Variants in SLC39A6 observed in about 807,000 individuals in gnomAD.
The protein encoded by SLC39A6 is zinc transporter ZIP6.
Under a neutral mutation model 63.5 loss-of-function variants are expected in SLC39A6, and 51 were observed. That is an observed-to-expected ratio of 0.80 (90% confidence interval 0.64 to 1.01). SLC39A6 has a LOEUF of 1.01. SLC39A6 is among the 50% of genes least tolerant of loss of function. The probability of loss-of-function intolerance (pLI) is 0.00; values close to 1 mark genes in which losing one functional copy is unlikely to be tolerated. For synonymous variants in SLC39A6, 318 were observed against 324.7 expected, an observed-to-expected ratio of 0.98 and a Z score of 0.22; for missense variants, 805 against 927.8, an observed-to-expected ratio of 0.87 and a Z score of 1.72.
At chr18:36,123,323 T>A (rs552503062) in intron 4 of SLC39A6, among the ~76,000 whole-genome samples, 172 bp downstream of exon 4, 6 of 152,324 alleles carry the variant, frequency 3.9e-5, no homozygotes, top group African/African-American at 1.4e-4. Flanking sequence ...AATTCACAAA[T>A]GTATTAAGAT....
intron 5 of SLC39A6, 33 bp from the exon 6 acceptor site, chr18:36,116,812 C>G (rs368392991): frequency 6.8e-7 from 1 of 1,464,312 alleles, no homozygotes; most frequent in Non-Finnish European, 9.5e-7. Flanking sequence ...TACTTTAAAA[C>G]AGTAATTTGT....
rs141692207 is a variant in SLC39A6 at position 36,124,143 on chromosome 18, G to A, written c.970+377C>T. ...TTACTTTTGAGCAATGAGACCCTAC[G>A]CTATAGCAGAGCCTATCCTAGCTTC... On this transcript the variant is annotated intron_variant, in intron 3 of 9. Transcript: ENST00000269187. Among the ~76,000 whole-genome samples the A allele has an allele frequency of 2.3e-3, 352 of 152,110 alleles. 1 individual carries two copies. The highest frequency in any genetic ancestry group is 7.2e-3 in the African/African-American group (298 of 41,482).
In SLC39A6 at chr18:36,126,938, G is replaced by C; in HGVS notation, c.70C>G (p.Leu24Val). 1.2e-6 allele frequency: 2 copies of C among 1,614,166 alleles called. No individual in the cohort carries two copies. Among genetic ancestry groups the C allele is most frequent in the South Asian group, 1.1e-5 (1 of 91,082 alleles). ...ALSVTNPLHE[L>V]KAAAFPQTTE... is the part of the protein sequence containing the mutation. Reference sequence around the variant, plus strand: ...GTCTGGGGGAAAGCAGCTGCTTTTAGTTCATGAAGGGGATTTGTGACAGAG... The same window carrying C: ...GTCTGGGGGAAAGCAGCTGCTTTTACTTCATGAAGGGGATTTGTGACAGAG... Residue 24 changes from leucine (L) to valine (V), a missense_variant, in exon 2 of 10, where the codon CTA becomes GTA. By Grantham distance (32) the Leu-to-Val change is conservative (BLOSUM62 1). Around this residue, in one of 4 missense-constraint regions of SLC39A6, gnomAD observed 639 missense variants for 644.0 expected, o/e 0.99. Transcript: ENST00000269187.
chr18:36,124,689 T>G lies in SLC39A6; in HGVS notation c.801A>C (p.Ala267=). 2 of 1,546,812 alleles carry G rather than the reference T, an allele frequency of 1.3e-6. No homozygotes were observed. The highest frequency in any genetic ancestry group is 1.8e-6 in the Non-Finnish European group (2 of 1,129,396). The change falls in exon 3 of 10, where the codon GCA becomes GCC. Residue 267 remains alanine, a synonymous_variant. Coordinates refer to ENST00000269187, the MANE Select transcript of SLC39A6 (RefSeq NM_012319.4). ...TGCCATGAGATGTCAGTAGCTTTGATGCATTGAAACACTGAAAGAAACAAA... is the reference window on the plus strand; with the variant it reads ...TGCCATGAGATGTCAGTAGCTTTGAGGCATTGAAACACTGAAAGAAACAAA... ...TNENPQECFN[A]SKLLTSHGMG... is the part of the protein sequence containing the mutation.
At chr18:36,118,030 C>CAA (rs767015166) in intron 5 of SLC39A6, among the ~76,000 whole-genome samples, 1 of 90,760 alleles carries the variant, frequency 1.1e-5, no homozygotes, top group Non-Finnish European at 2.3e-5. Flanking sequence ...GACTCCATCT[C>CAA]AAAAAAAAAA....
Position 36,126,763 on chromosome 18 carries a change from A to C in SLC39A6, c.245T>G (p.Ile82Arg). ...GATTCTTTTAATCTTATCTATGCCT[A>C]TATTTTGAAGTAATTTTCTGAACCC... is the stretch of plus-strand genomic sequence containing the variant. ...VEGFRKLLQN[I>R]GIDKIKRIHI... is the part of the protein sequence containing the mutation. The change falls in exon 2 of 10, where the codon ATA (isoleucine) becomes AGA (arginine). Residue 82 changes from isoleucine (I) to arginine (R), a missense_variant. Ile to Arg is a moderately conservative substitution (Grantham distance 97). Around this residue, in one of 4 missense-constraint regions of SLC39A6, gnomAD observed 639 missense variants for 644.0 expected, o/e 0.99. Transcript: ENST00000269187. The C allele has an allele frequency of 6.2e-7, 1 of 1,614,192 alleles. No individual in the cohort carries two copies. Among genetic ancestry groups the C allele is most frequent in the Non-Finnish European group, 8.5e-7 (1 of 1,180,038 alleles).
rs182715301 is a variant in SLC39A6, at chr18:36,126,016, C to T, written c.789+203G>A. 5.9e-5 allele frequency among the ~76,000 whole-genome samples: 9 copies of T among 152,366 alleles called. No individual in the cohort carries two copies. The East Asian group carries it at 1.7e-3, about 29-fold the overall frequency. ...GGCAGCACTACGCTCACCAAAAGAA[C>T]TGTTCCCTAAGTTCTGAATTGGGAA... On this transcript the variant is annotated intron_variant, in intron 2 of 9. Transcript: ENST00000269187.
chr18:36,112,352 T>C (rs1262681886), intron 8 of SLC39A6, 149 bp downstream of exon 8: 2 of 605,674 alleles, frequency 3.3e-6, no homozygotes, highest in African/African-American at 3.7e-5. Context: ...TGTATGAAGA[T>C]GATCCCTGAT....
chr18:36,126,583 C>T lies in SLC39A6; in HGVS notation c.425G>A (p.Arg142Gln), dbSNP rs1018250366. Residue 142 changes from arginine (R) to glutamine (Q), a missense_variant, in exon 2 of 10, where the codon CGA becomes CAA. Physicochemically the swap from Arg to Gln is conservative, Grantham distance 43 (BLOSUM62 1). This residue lies in a region of SLC39A6 where 639 missense variants were observed against 644.0 expected (regional missense o/e 0.99). Transcript: ENST00000269187. Reference protein sequence around the residue: ...HNHAASGKNKRKALCPDHDSD... With the variant: ...HNHAASGKNKQKALCPDHDSD... Reference sequence around the variant, plus strand: ...GTCATGGTCTGGGCAAAGAGCTTTTCGCTTATTTTTACCAGAAGCAGCATG... The same window carrying T: ...GTCATGGTCTGGGCAAAGAGCTTTTTGCTTATTTTTACCAGAAGCAGCATG... 57 of 1,613,966 alleles carry T rather than the reference C, an allele frequency of 3.5e-5. No individual in the cohort carries two copies. Among genetic ancestry groups the T allele is most frequent in the Admixed American group, 5.0e-5 (3 of 59,992 alleles).
rs1356177905 is a variant in SLC39A6, at chr18:36,122,290, T to C, written c.1141-20A>G. The C allele has an allele frequency of 4.4e-6, 7 of 1,576,958 alleles. No individual in the cohort carries two copies. The highest frequency in any genetic ancestry group is 6.1e-6 in the Non-Finnish European group (7 of 1,154,766). On this transcript the variant is annotated intron_variant, in intron 4 of 9. Coordinates refer to ENST00000269187, the MANE Select transcript of SLC39A6 (RefSeq NM_012319.4). ...ATGAGACTGAAGGCAAAATAATTTG[T>C]TATTTATAAATTCATCAGTTTCACA...
intron 5 of SLC39A6, among the ~76,000 whole-genome samples, chr18:36,121,162 T>C (rs1185785363): frequency 6.6e-6 from 1 of 151,970 alleles, no homozygotes; most frequent in Admixed American, 6.6e-5. Context: ...TTTTCTTTTT[T>C]TTTTTTTATT....
intron 8 of SLC39A6, 92 bp from the exon 9 acceptor site, chr18:36,111,341 C>G: frequency 7.4e-7 from 1 of 1,345,036 alleles, no homozygotes. Flanking sequence ...AGAAAATTTT[C>G]CAGTGTTTTT....
Position 36,109,764 on chromosome 18 carries a change from G to C in SLC39A6, c.2116-19C>G, listed in dbSNP as rs761011318. 1.3e-6 allele frequency: 2 copies of C among 1,586,626 alleles called. No homozygotes were observed. Among genetic ancestry groups the C allele is most frequent in the Non-Finnish European group, 1.7e-6 (2 of 1,169,676 alleles). ...CAGGTACCTTTAAAAAAAAGTAAGG[G>C]AAAATAAGAGTGACATTTAAGTTTT... On this transcript the variant is annotated intron_variant, in intron 9 of 9. Coordinates refer to ENST00000269187, the MANE Select transcript of SLC39A6 (RefSeq NM_012319.4).
At position 36,126,658 on chromosome 18, in the gene SLC39A6, T is replaced by C. The variant is rs1342095320; in HGVS notation, c.350A>G (p.His117Arg). 1.3e-6 allele frequency: 2 copies of C among 1,597,346 alleles called. No homozygotes were observed. Among genetic ancestry groups the C allele is most frequent in the African/African-American group, 1.4e-5 (1 of 73,384 alleles). Residue 117 changes from histidine to arginine, a missense_variant, in exon 2 of 10, where the codon CAC becomes CGC. Physicochemically the swap from His to Arg is conservative, Grantham distance 29. Transcript: ENST00000269187. ...GTCAGAGTGATGCTCGTGCTCTGAG[T>C]GATGCTCATGGTCTGAGTGACGCTC... ...DHERHSDHEH[H>R]SEHEHHSDHD...
intron 5 of SLC39A6, 83 bp downstream of exon 5, chr18:36,121,969 C>A (rs1425363734): frequency 7.1e-6 from 7 of 982,362 alleles, no homozygotes; most frequent in Non-Finnish European, 1.1e-5. Context: ...ACAACCTGGG[C>A]ATGCTATTCT....
rs1372542227 is a variant in SLC39A6, at chr18:36,108,698, T to C, written c.*895A>G. 6.6e-6 allele frequency: 1 copy of C among 152,186 alleles called. No individual in the cohort carries two copies. Among genetic ancestry groups the C allele is most frequent in the East Asian group, 1.9e-4 (1 of 5,202 alleles). 9.4% of individuals were successfully genotyped at this position (152,186 alleles called of 1,614,324 possible). On this transcript the variant is annotated 3_prime_UTR_variant, in exon 10 of 10. Transcript: ENST00000269187. The stretch of plus-strand genomic sequence containing the variant: ...TTTCTGAATCGAATCAAATGATACT[T>C]AGTGTAGTTTTAATATCCTCATATA...
rs1442678103 is a variant in SLC39A6, at chr18:36,113,977, A to T, written c.1843+120T>A. 17 of 1,244,774 alleles carry T rather than the reference A, an allele frequency of 1.4e-5. No individual in the cohort carries two copies. The South Asian group carries it at 2.1e-4, about 16-fold the overall frequency. 77.1% of individuals were successfully genotyped at this position (1,244,774 alleles called of 1,614,324 possible). ...GTAAAAGAAAAAGTAACATTTTTAT[A>T]ATCTTGGAAGTCACTAATATCCTCA... On this transcript the variant is annotated intron_variant, in intron 7 of 9. Transcript: ENST00000269187.
At chr18:36,123,452 T>C in intron 4 of SLC39A6, 43 bp downstream of exon 4, 1 of 1,489,156 alleles carries the variant, frequency 6.7e-7, no homozygotes, top group Non-Finnish European at 9.0e-7. Context: ...TTTTTTTCAA[T>C]GTTGAATAAT....
chr18:36,124,420 G>T, intron 3 of SLC39A6, 100 bp downstream of exon 3: 1 of 706,466 alleles, frequency 1.4e-6, no homozygotes, highest in Non-Finnish European at 2.2e-6. Context: ...GACATATTCA[G>T]AATTGTACTG....
Sources: gnomAD v4.1 joint callset for allele counts (sites outside exome capture counted in the v4.1 genomes callset) on GRCh38, gnomAD v4.1.1 for gene constraint, gnomAD v4.1.1 regional missense constraint, MANE v1.5 for transcripts, NCBI Gene and HGNC (gene_info 2026-07-23, HGNC 2026-07-21) for gene names.